Variants in SHC3 observed in about 807,000 individuals in gnomAD.
SHC3 encodes the protein SHC-transforming protein 3.
In SHC3, 15 loss-of-function variants were observed where a neutral mutation model predicts 60.4. The ratio of observed to expected loss-of-function variants is 0.25; its 90% CI spans 0.17 to 0.38. The LOEUF is 0.38. SHC3 is among the 10% of genes least tolerant of loss of function. The pLI is 1.00. For missense variants in SHC3, 677 were observed against 786.1 expected (o/e 0.86, Z 1.66); for synonymous variants, 294 against 325.9 (o/e 0.90, Z 1.05).
intron 1 of SHC3, among the ~76,000 whole-genome samples, chr9:89,151,838 T>C (rs1826550027): frequency 1.3e-5 from 2 of 152,210 alleles, no homozygotes; most frequent in Non-Finnish European, 2.9e-5. Flanking sequence ...ATTATGATTA[T>C]AGGTGATTTT....
At chr9:89,103,543 G>C (rs899861342) in intron 2 of SHC3, among the ~76,000 whole-genome samples, 2 of 152,200 alleles carry the variant, frequency 1.3e-5, no homozygotes, top group Non-Finnish European at 2.9e-5. Flanking sequence ...TGGACCTTAA[G>C]AGAAAATCCG....
intron 2 of SHC3, among the ~76,000 whole-genome samples, chr9:89,101,965 T>G (rs184449374): frequency 5.9e-5 from 9 of 152,256 alleles, no homozygotes; most frequent in Non-Finnish European, 1.3e-4. Flanking sequence ...GTTTTCTCTC[T>G]AAAAATATTT....
intron 6 of SHC3, among the ~76,000 whole-genome samples, chr9:89,057,569 G>A (rs1824976511): frequency 2.6e-5 from 4 of 151,960 alleles, no homozygotes; most frequent in African/African-American, 9.7e-5. Flanking sequence ...AGTTGAGGAT[G>A]TCCAAAACAG....
At chr9:89,096,563 A>C (rs942716072) in intron 2 of SHC3, among the ~76,000 whole-genome samples, 2 of 152,248 alleles carry the variant, frequency 1.3e-5, no homozygotes, top group Non-Finnish European at 2.9e-5. Context: ...TATGTGCAAA[A>C]TAAACTGAAA....
chr9:89,165,543 A>AAT (rs397694173), intron 1 of SHC3, among the ~76,000 whole-genome samples: 1 of 150,374 alleles, frequency 6.7e-6, no homozygotes, highest in Admixed American at 6.6e-5. Flanking sequence ...AAAAAAAAAA[A>AAT]TGGTGAGGGC....
intron 11 of SHC3, among the ~76,000 whole-genome samples, chr9:89,037,716 C>T (rs1587687962): frequency 1.3e-5 from 2 of 152,224 alleles, no homozygotes; most frequent in South Asian, 4.1e-4. Context: ...CTCTCAGTTT[C>T]TGTATTTATT....
chr9:89,142,952 C>T (rs1695490297), intron 1 of SHC3, among the ~76,000 whole-genome samples: 1 of 152,052 alleles, frequency 6.6e-6, no homozygotes, highest in Non-Finnish European at 1.5e-5. Context: ...TCAGTATTGT[C>T]CCTTCCATGG....
At chr9:89,067,763 G>T (rs1179198535) in intron 5 of SHC3, among the ~76,000 whole-genome samples, 1 of 152,118 alleles carries the variant, frequency 6.6e-6, no homozygotes, top group African/African-American at 2.4e-5. Flanking sequence ...AGCGAACTTT[G>T]TCCATCATAG....
chr9:89,166,368 AC>A (rs1826789426), intron 1 of SHC3, among the ~76,000 whole-genome samples: 1 of 152,216 alleles, frequency 6.6e-6, no homozygotes, highest in South Asian at 2.1e-4. Context: ...TTCAATAGAT[AC>A]CCGTTGAATA....
chr9:89,024,537 C>T (rs1826256077), intron 11 of SHC3, among the ~76,000 whole-genome samples: 1 of 152,188 alleles, frequency 6.6e-6, no homozygotes, highest in African/African-American at 2.4e-5. Flanking sequence ...GGCCTGCCAC[C>T]TGCTAATGAC....
chr9:89,089,787 C>T (rs1433858263), intron 2 of SHC3, among the ~76,000 whole-genome samples: 1 of 152,124 alleles, frequency 6.6e-6, no homozygotes, highest in Admixed American at 6.5e-5. Context: ...CACAGGAGCC[C>T]CTGACTGCTT....
chr9:89,122,296 C>T (rs1234582117), intron 1 of SHC3, among the ~76,000 whole-genome samples: 2 of 152,172 alleles, frequency 1.3e-5, no homozygotes, highest in Non-Finnish European at 2.9e-5. Context: ...CCTCTTCAGG[C>T]AAATGAAGCT....
intron 11 of SHC3, among the ~76,000 whole-genome samples, chr9:89,035,863 G>GATAGA (rs59148443): frequency 8.6e-6 from 1 of 116,728 alleles, no homozygotes; most frequent in Admixed American, 9.3e-5. Context: ...GTGTGTGTGT[G>GATAGA]TGTGTGTGTG....
intron 1 of SHC3, among the ~76,000 whole-genome samples, chr9:89,157,624 A>T (rs1419421521): frequency 2.7e-5 from 4 of 150,488 alleles, no homozygotes; most frequent in Non-Finnish European, 5.9e-5. Flanking sequence ...AAGTTTAACA[A>T]TTTTTTTTTT....
chr9:89,052,948 G>C (rs1824884855), intron 6 of SHC3, among the ~76,000 whole-genome samples: 1 of 152,164 alleles, frequency 6.6e-6, no homozygotes, highest in Non-Finnish European at 1.5e-5. Context: ...ATGTCCTAGT[G>C]GCAAGGCTGC....
intron 1 of SHC3, among the ~76,000 whole-genome samples, chr9:89,165,681 T>C (rs1387773187): frequency 2.0e-5 from 3 of 151,558 alleles, no homozygotes; most frequent in South Asian, 2.1e-4. Flanking sequence ...ACTTGGGGGG[T>C]CTCAGATTTG....
chr9:89,120,094 G>A (rs149443615), intron 1 of SHC3, among the ~76,000 whole-genome samples: 230 of 152,154 alleles, frequency 1.5e-3, no homozygotes, highest in African/African-American at 5.2e-3. Flanking sequence ...CATGTCCAGC[G>A]TACCCCATAC....
intron 3 of SHC3, among the ~76,000 whole-genome samples, chr9:89,076,011 C>T (rs1490101666): frequency 1.3e-5 from 2 of 152,028 alleles, no homozygotes; most frequent in South Asian, 2.1e-4. Context: ...TAGTTCCTAA[C>T]CAGGTGCACA....
chr9:89,117,080 C>G (rs1481944266), intron 1 of SHC3, among the ~76,000 whole-genome samples: 1 of 152,166 alleles, frequency 6.6e-6, no homozygotes, highest in Admixed American at 6.5e-5. Context: ...GGTTACCACC[C>G]ACTAACATAT....
Sources: allele counts gnomAD v4.1 joint callset (sites outside exome capture counted in the v4.1 genomes callset), GRCh38; gene constraint gnomAD v4.1.1; transcripts MANE v1.5; gene names NCBI Gene and HGNC (gene_info 2026-07-23, HGNC 2026-07-21).